The following WNT7B variants were observed in gnomAD, a reference collection of about 807,000 sequenced individuals.
WNT7B encodes protein Wnt-7b.
A neutral mutation model predicts 38.2 loss-of-function variants in WNT7B; 19 were observed. That is an observed-to-expected ratio of 0.50 (90% CI 0.35 to 0.73). WNT7B has a LOEUF of 0.73. Among genes scored for constraint, WNT7B ranks in the 30% least tolerant of loss-of-function variants. The pLI is 0.01. For synonymous variants in WNT7B, 243 were observed against 209.3 expected (o/e 1.16, Z -1.39); for missense variants, 423 against 507.9 (o/e 0.83, Z 1.61).
At chr22:45,929,503 CCCACCAAT>C (rs1371815891) in intron 3 of WNT7B, among the ~76,000 whole-genome samples, 4 of 118,746 alleles carry the variant, frequency 3.4e-5, no homozygotes, top group African/African-American at 1.2e-4. Flanking sequence ...CACCCACCCA[CCCACCAAT>C]ACTTCCGTCC....
chr22:45,957,682 C>CAAA (rs367797133), intron 1 of WNT7B, among the ~76,000 whole-genome samples: 1,929 of 35,996 alleles, frequency 0.054, 449 homozygotes, highest in East Asian at 0.17. Flanking sequence ...GACTCCGTCT[C>CAAA]AAAAAAAAAA....
At chr22:45,926,137 C>T (rs1931076817) in intron 3 of WNT7B, 1 of 985,334 alleles carries the variant, frequency 1.0e-6, no homozygotes, top group African/African-American at 1.7e-5. Flanking sequence ...CACATCCTCG[C>T]TTGGCTGGAT....
chr22:45,975,412 A>G lies in WNT7B; in HGVS notation c.71+1272T>C. On this transcript the variant is annotated intron_variant, in intron 1 of 3. Transcript: ENST00000339464. The surrounding 1 kb of genome is among the most constrained non-coding windows in gnomAD (Gnocchi z 6.6). The stretch of plus-strand genomic sequence containing the variant: ...GACACAGCCTACCCACAGACCTATG[A>G]TAAACGGGGCTACCGGCAGCCGCAG... The G allele has an allele frequency of 1.6e-6, 1 of 617,880 alleles. No homozygotes were observed. The highest frequency in any genetic ancestry group is 1.9e-5 in the South Asian group (1 of 54,052). 38.3% of individuals were successfully genotyped at this position (617,880 alleles called of 1,614,324 possible).
At chr22:45,946,650 G>A (rs1931803662) in intron 2 of WNT7B, among the ~76,000 whole-genome samples, 1 of 152,212 alleles carries the variant, frequency 6.6e-6, no homozygotes, top group Non-Finnish European at 1.5e-5. Flanking sequence ...AGTGGAGGGG[G>A]GCCTAGTGTG....
At chr22:45,955,162 G>C (rs1179691057) in intron 1 of WNT7B, among the ~76,000 whole-genome samples, 2 of 152,194 alleles carry the variant, frequency 1.3e-5, no homozygotes, top group South Asian at 4.1e-4. Context: ...TGCCATCCCT[G>C]CCCTCCCACT....
chr22:45,942,873 GTGTGTGCA>G (rs1436780728), intron 2 of WNT7B, among the ~76,000 whole-genome samples: 5 of 151,762 alleles, frequency 3.3e-5, no homozygotes, highest in African/African-American at 4.8e-5. Context: ...GTGTGTGTGC[GTGTGTGCA>G]TGTATGTGCG....
intron 1 of WNT7B, among the ~76,000 whole-genome samples, chr22:45,950,595 C>G (rs938687901): frequency 2.6e-5 from 4 of 152,254 alleles, no homozygotes; most frequent in African/African-American, 9.6e-5. Context: ...CCCCGATGGC[C>G]CCTCCATGGC....
chr22:45,934,040 G>T (rs926890484), intron 2 of WNT7B, among the ~76,000 whole-genome samples: 1 of 152,236 alleles, frequency 6.6e-6, no homozygotes, highest in African/African-American at 2.4e-5. Context: ...CTCCACATGC[G>T]CCGGGCGCAC....
intron 3 of WNT7B, among the ~76,000 whole-genome samples, chr22:45,924,104 C>A (rs937128416): frequency 2.0e-5 from 3 of 152,210 alleles, no homozygotes; most frequent in Non-Finnish European, 4.4e-5. Flanking sequence ...GCCCTGCCAG[C>A]CGGGCCTGAT....
chr22:45,942,977 GT>G (rs1275031566), intron 2 of WNT7B, among the ~76,000 whole-genome samples: 4 of 150,386 alleles, frequency 2.7e-5, no homozygotes, highest in Non-Finnish European at 5.9e-5. Context: ...GTGTGCGTGT[GT>G]GCAGTGTGCA....
rs560287321 is a variant in WNT7B at position 45,965,316 on chromosome 22, G to A, written c.71+11368C>T. Among the ~76,000 whole-genome samples the A allele has an allele frequency of 6.6e-6, 1 of 152,322 alleles. No individual in the cohort carries two copies. The highest frequency in any genetic ancestry group is 2.4e-5 in the African/African-American group (1 of 41,570). On this transcript the variant is annotated intron_variant, in intron 1 of 3. Coordinates refer to ENST00000339464, the MANE Select transcript of WNT7B (RefSeq NM_058238.3). The surrounding 1 kb of genome is among the most constrained non-coding windows in gnomAD (Gnocchi z 6.5). ...GAGCTCCTGCTGTGGGTCCCACAGGGCTTTGTGTCAACGACGCTGGAAGGC... is the reference window on the plus strand; with the variant it reads ...GAGCTCCTGCTGTGGGTCCCACAGGACTTTGTGTCAACGACGCTGGAAGGC...
intron 1 of WNT7B, among the ~76,000 whole-genome samples, chr22:45,952,090 A>C (rs931344567): frequency 6.6e-6 from 1 of 151,912 alleles, no homozygotes; most frequent in Non-Finnish European, 1.5e-5. Context: ...AAAACAACAG[A>C]TCAGGCCTGT....
rs765867790 is a variant in WNT7B, at chr22:45,921,032, A to G, written c.*1824T>C. On this transcript the variant is annotated 3_prime_UTR_variant, in exon 4 of 4. Transcript: ENST00000339464. Reference sequence around the variant, plus strand: ...GGGCTGGACCACAGGGCCAGAGCCCAGGAGGGACCCACTTGCCCCAGGCTG... The same window carrying G: ...GGGCTGGACCACAGGGCCAGAGCCCGGGAGGGACCCACTTGCCCCAGGCTG... The G allele has an allele frequency of 3.3e-5, 5 of 152,198 alleles. No individual in the cohort carries two copies. The highest frequency in any genetic ancestry group is 2.1e-4 in the South Asian group (1 of 4,834). 9.4% of individuals were successfully genotyped at this position (152,198 alleles called of 1,614,324 possible). A position where few individuals can be genotyped will look rare whatever the true frequency, so the allele number is the denominator to read the frequency against.
chr22:45,930,585 C>T (rs753013276), intron 3 of WNT7B, among the ~76,000 whole-genome samples: 9 of 152,346 alleles, frequency 5.9e-5, no homozygotes, highest in South Asian at 2.1e-4. Flanking sequence ...CACTCCGTCC[C>T]GCCCCATGCA....
At chr22:45,946,409 G>T (rs1446084438) in intron 2 of WNT7B, among the ~76,000 whole-genome samples, 1 of 152,138 alleles carries the variant, frequency 6.6e-6, no homozygotes, top group Non-Finnish European at 1.5e-5. Flanking sequence ...TGCCTTGTTG[G>T]GGGGCCCCAG....
intron 1 of WNT7B, among the ~76,000 whole-genome samples, chr22:45,959,168 AG>A (rs1251463342): frequency 1.5e-4 from 23 of 152,312 alleles, no homozygotes; most frequent in East Asian, 3.9e-4. Context: ...TCCCCGACAG[AG>A]GCCCCGCCTG....
intron 1 of WNT7B, among the ~76,000 whole-genome samples, chr22:45,956,923 C>T (rs1278186829): frequency 2.6e-5 from 4 of 152,012 alleles, no homozygotes; most frequent in South Asian, 2.1e-4. Context: ...CTGGCCAACA[C>T]GGTGAAGCCC....
intron 3 of WNT7B, among the ~76,000 whole-genome samples, chr22:45,924,518 G>A (rs1226939741): frequency 3.3e-5 from 5 of 152,252 alleles, no homozygotes; most frequent in Admixed American, 2.6e-4. Context: ...TGGAGGAGGT[G>A]TGGGTATTGA....
chr22:45,931,693 G>A (rs1931366280), intron 2 of WNT7B, among the ~76,000 whole-genome samples: 1 of 152,172 alleles, frequency 6.6e-6, no homozygotes, highest in East Asian at 1.9e-4. Context: ...TCCCAAGACT[G>A]GGCAGGAGAG....
Sources: allele counts gnomAD v4.1 joint callset (sites outside exome capture counted in the v4.1 genomes callset), GRCh38; gene constraint gnomAD v4.1.1; non-coding constraint Gnocchi (gnomAD v3.1); transcripts MANE v1.5; gene names NCBI Gene and HGNC (gene_info 2026-07-23, HGNC 2026-07-21).